TMEM117: variants seen among roughly 807,000 people sequenced by gnomAD.
The protein encoded by TMEM117 is transmembrane protein 117.
TMEM117 carries 27 observed loss-of-function variants against 52.4 expected under a neutral mutation model. The ratio of observed to expected loss-of-function variants is 0.51; its 90% CI spans 0.38 to 0.71. The LOEUF (loss-of-function observed/expected upper bound fraction) is 0.71, where lower values mean the gene tolerates loss of function less well. TMEM117 is among the 30% of genes least tolerant of loss of function. The probability of loss-of-function intolerance (pLI) is 0.00; values close to 1 mark genes in which losing one functional copy is unlikely to be tolerated. For synonymous variants in TMEM117, 215 were observed against 206.3 expected (o/e 1.04, Z -0.36); for missense variants, 556 against 630.5 (o/e 0.88, Z 1.26).
intron 6 of TMEM117, among the ~76,000 whole-genome samples, chr12:44,363,663 C>T (rs1317501586): frequency 6.6e-6 from 1 of 152,094 alleles, no homozygotes; most frequent in East Asian, 1.9e-4. Context: ...AATTAGCATA[C>T]CTTGCAGGTA....
intron 6 of TMEM117, among the ~76,000 whole-genome samples, chr12:44,354,002 A>G (rs1387571859): frequency 6.6e-6 from 1 of 152,158 alleles, no homozygotes; most frequent in African/African-American, 2.4e-5. Context: ...CTCCTTGAAG[A>G]GGTCCTTCAC....
chr12:44,062,673 C>G (rs1947157907), intron 3 of TMEM117, among the ~76,000 whole-genome samples: 1 of 152,178 alleles, frequency 6.6e-6, no homozygotes, highest in African/African-American at 2.4e-5. Context: ...CCAAATGATC[C>G]TAATTTTCCC....
chr12:43,948,323 T>C (rs1945166809), intron 3 of TMEM117, among the ~76,000 whole-genome samples: 1 of 152,034 alleles, frequency 6.6e-6, no homozygotes, highest in Admixed American at 6.6e-5. Context: ...TTTTTTTTTT[T>C]GAGACTGAGT....
At chr12:44,053,542 C>T (rs1363972928) in intron 3 of TMEM117, among the ~76,000 whole-genome samples, 1 of 152,118 alleles carries the variant, frequency 6.6e-6, no homozygotes, top group Non-Finnish European at 1.5e-5. Flanking sequence ...TGATCTCAAT[C>T]TCTAGTCCCC....
chr12:44,351,186 T>C (rs1291813621), intron 6 of TMEM117, among the ~76,000 whole-genome samples: 1 of 152,050 alleles, frequency 6.6e-6, no homozygotes, highest in Non-Finnish European at 1.5e-5. Context: ...AAATCTTTTG[T>C]CTATTTTTTA....
chr12:44,265,006 T>C (rs1167328248), intron 5 of TMEM117, among the ~76,000 whole-genome samples: 1 of 152,092 alleles, frequency 6.6e-6, no homozygotes, highest in Non-Finnish European at 1.5e-5. Flanking sequence ...CTGGGGATAG[T>C]AGATGATAAA....
chr12:44,323,821 C>G (rs1177460609), intron 6 of TMEM117, among the ~76,000 whole-genome samples: 4 of 152,030 alleles, frequency 2.6e-5, no homozygotes, highest in Non-Finnish European at 5.9e-5. Flanking sequence ...CTTCTGAATC[C>G]AGTTTTGCAT....
chr12:44,278,240 C>T (rs1189796352), intron 5 of TMEM117, among the ~76,000 whole-genome samples: 1 of 152,120 alleles, frequency 6.6e-6, no homozygotes, highest in Non-Finnish European at 1.5e-5. Context: ...AGGTTCTACT[C>T]AGGATTAAAA....
intron 3 of TMEM117, among the ~76,000 whole-genome samples, chr12:44,061,046 A>T (rs56070984): frequency 0.04 from 6,136 of 152,198 alleles, 205 homozygotes; most frequent in African/African-American, 0.09. Flanking sequence ...AGTAGACAGT[A>T]TTTTCACCAA....
At chr12:44,017,127 G>A (rs1260617575) in intron 3 of TMEM117, among the ~76,000 whole-genome samples, 1 of 151,960 alleles carries the variant, frequency 6.6e-6, no homozygotes, top group Non-Finnish European at 1.5e-5. Flanking sequence ...AAAAAATAAT[G>A]TTTAGTAAAG....
At chr12:43,967,848 A>C (rs1358003402) in intron 3 of TMEM117, among the ~76,000 whole-genome samples, 2 of 152,236 alleles carry the variant, frequency 1.3e-5, no homozygotes, top group Non-Finnish European at 2.9e-5. Context: ...AAAATAAAAT[A>C]GTGTGTTCTG....
At chr12:44,372,909 T>C (rs761039910) in intron 6 of TMEM117, among the ~76,000 whole-genome samples, 1 of 152,198 alleles carries the variant, frequency 6.6e-6, no homozygotes, top group African/African-American at 2.4e-5. Flanking sequence ...TTAATTAGCT[T>C]GATTGTGGTT....
At chr12:44,383,315 AT>A (rs1285743573) in intron 7 of TMEM117, among the ~76,000 whole-genome samples, 1 of 151,932 alleles carries the variant, frequency 6.6e-6, no homozygotes, top group Non-Finnish European at 1.5e-5. Context: ...GTTGAAAAAA[AT>A]AACACTTTCC....
intron 3 of TMEM117, among the ~76,000 whole-genome samples, chr12:44,056,621 A>G (rs1391624846): frequency 1.3e-5 from 2 of 152,126 alleles, no homozygotes; most frequent in African/African-American, 2.4e-5. Flanking sequence ...TTTGTATTTT[A>G]ACATAAATTA....
intron 3 of TMEM117, among the ~76,000 whole-genome samples, chr12:44,129,615 AAT>A (rs1481408360): frequency 3.3e-5 from 5 of 152,262 alleles, no homozygotes; most frequent in African/African-American, 4.8e-5. Context: ...AAATGAAGCA[AAT>A]ATAAATTTTT....
At chr12:44,297,651 C>A (rs1220673335) in intron 5 of TMEM117, among the ~76,000 whole-genome samples, 1 of 152,038 alleles carries the variant, frequency 6.6e-6, no homozygotes, top group Non-Finnish European at 1.5e-5. Context: ...CCCTTACTAC[C>A]AAAAAACTTT....
At chr12:44,249,006 C>G (rs12307560) in intron 5 of TMEM117, 2 of 152,048 alleles carry the variant, frequency 1.3e-5, no homozygotes, top group Non-Finnish European at 2.9e-5. Flanking sequence ...AGGCTGCTTC[C>G]TATTAGTTCT....
At chr12:43,919,485 G>A (rs2137551983) in intron 2 of TMEM117, among the ~76,000 whole-genome samples, 1 of 152,250 alleles carries the variant, frequency 6.6e-6, no homozygotes, top group Admixed American at 6.5e-5. Context: ...TATTAAGGCT[G>A]AATACTATAT....
At chr12:44,005,880 A>T (rs1368778776) in intron 3 of TMEM117, among the ~76,000 whole-genome samples, 1 of 152,118 alleles carries the variant, frequency 6.6e-6, no homozygotes, top group Non-Finnish European at 1.5e-5. Context: ...CCTGTACAAG[A>T]TCTCTCTTTT....
Sources: allele counts gnomAD v4.1 joint callset (sites outside exome capture counted in the v4.1 genomes callset), GRCh38; gene constraint gnomAD v4.1.1; transcripts MANE v1.5; gene names NCBI Gene and HGNC (gene_info 2026-07-23, HGNC 2026-07-21).